The following PCDHGA7 variants were observed in gnomAD, a reference collection of about 807,000 sequenced individuals.
The protein encoded by PCDHGA7 is protocadherin gamma-A7.
Under a neutral mutation model 58.3 loss-of-function variants are expected in PCDHGA7, and 44 were observed. The observed-to-expected ratio is 0.75, with a 90% confidence interval of 0.59 to 0.97. The LOEUF (loss-of-function observed/expected upper bound fraction) is 0.97, where lower values mean the gene tolerates loss of function less well. Ranked by LOEUF, PCDHGA7 falls within the 50% of genes least tolerant of loss-of-function variation. PCDHGA7 has a pLI of 0.00. For synonymous variants in PCDHGA7, 516 were observed against 504.2 expected (o/e 1.02, Z -0.31); for missense variants, 1,266 against 1,188.7 (o/e 1.06, Z -0.96).
At chr5:141,409,858 G>A in intron 1 of PCDHGA7, 2 of 1,612,340 alleles carry the variant, frequency 1.2e-6, no homozygotes, top group Non-Finnish European at 1.7e-6. Context: ...GCGTGTTGGT[G>A]GGAGACCGCA....
intron 1 of PCDHGA7, among the ~76,000 whole-genome samples, chr5:141,460,753 A>ATATACATATTGCATATGTATG (rs1435827019): frequency 4.6e-5 from 7 of 152,094 alleles, no homozygotes; most frequent in Non-Finnish European, 1.0e-4. Flanking sequence ...ATATGTGTAC[A>ATATACATATTGCATATGTATG]TATACATATT....
Position 141,491,665 on chromosome 5 carries a change from C to T in PCDHGA7, c.2425-3142C>T, listed in dbSNP as rs749918160. 6.2e-7 allele frequency: 1 copy of T among 1,613,764 alleles called. No homozygotes were observed. The highest frequency in any genetic ancestry group is 8.5e-7 in the Non-Finnish European group (1 of 1,180,000). On this transcript the variant is annotated intron_variant, in intron 1 of 3. Transcript: ENST00000518325. The surrounding 1 kb of genome is among the most constrained non-coding windows in gnomAD (Gnocchi z 6.9). ...TCTGGCGCTGGAGCCTGACGCCATCCGGTCCCGCTCTAATACGCTGCGGGA... is the reference window on the plus strand; with the variant it reads ...TCTGGCGCTGGAGCCTGACGCCATCTGGTCCCGCTCTAATACGCTGCGGGA...
Position 141,511,913 on chromosome 5 carries a change from A to G in PCDHGA7, c.*740A>G, listed in dbSNP as rs1190072814. On this transcript the variant is annotated 3_prime_UTR_variant, in exon 4 of 4. Coordinates refer to ENST00000518325, the MANE Select transcript of PCDHGA7 (RefSeq NM_018920.4). ...CCCCCACCTCCTCCTCAAACAAGAG[A>G]CTCCACTGCATGTTCCAAGACAGTA... is the stretch of plus-strand genomic sequence containing the variant. The G allele has an allele frequency of 6.4e-6, 1 of 156,050 alleles. No individual in the cohort carries two copies. The highest frequency in any genetic ancestry group is 2.4e-5 in the African/African-American group (1 of 41,402). The allele number at this position is 156,050 out of a possible 1,614,324, so 9.7% of individuals were successfully genotyped here.
intron 1 of PCDHGA7, chr5:141,414,409 A>G: frequency 1.2e-6 from 2 of 1,613,870 alleles, no homozygotes; most frequent in Non-Finnish European, 8.5e-7. Flanking sequence ...GGTGATACAC[A>G]GAGCCCTTGA....
rs569451436 is a variant in PCDHGA7, at chr5:141,389,774, A to G, written c.2424+4451A>G. The G allele has an allele frequency of 2.5e-6, 4 of 1,613,170 alleles. No individual in the cohort carries two copies. The African/African-American group carries it at 5.3e-5, about 21-fold the overall frequency. On this transcript the variant is annotated intron_variant, in intron 1 of 3. Transcript: ENST00000518325. ...GCGAAGTGCGCACAGCGCGTGCCTTAGGCGACAGGGACGCCGTCCGCCAGC... is the reference window on the plus strand; with the variant it reads ...GCGAAGTGCGCACAGCGCGTGCCTTGGGCGACAGGGACGCCGTCCGCCAGC...
chr5:141,430,560 G>T (rs1184226832), intron 1 of PCDHGA7: 1 of 420,160 alleles, frequency 2.4e-6, no homozygotes, highest in Non-Finnish European at 4.1e-6. Context: ...ACCAATCGGG[G>T]AGAGAAAAGC....
intron 1 of PCDHGA7, chr5:141,389,851 CCA>C (rs2091943018): frequency 6.2e-7 from 1 of 1,613,936 alleles, no homozygotes; most frequent in Non-Finnish European, 8.5e-7. Context: ...TCGGCCACTG[CCA>C]CGTTGCACCT....
Position 141,399,737 on chromosome 5 carries a change from C to T in PCDHGA7, c.2424+14414C>T, listed in dbSNP as rs888467903. The T allele has an allele frequency of 2.5e-6, 4 of 1,613,296 alleles. No homozygotes were observed. In the South Asian group the frequency reaches 3.3e-5, roughly 13 times the overall value. On this transcript the variant is annotated intron_variant, in intron 1 of 3. Coordinates refer to ENST00000518325, the MANE Select transcript of PCDHGA7 (RefSeq NM_018920.4). Reference sequence around the variant, plus strand: ...CAGGCCCGCGACCAGGGCTCGCCTGCGCTCAGCGCAAACGTGAGCCTGCGC... The same window carrying T: ...CAGGCCCGCGACCAGGGCTCGCCTGTGCTCAGCGCAAACGTGAGCCTGCGC...
chr5:141,389,530 T>C (rs963241883), intron 1 of PCDHGA7: 1 of 1,613,208 alleles, frequency 6.2e-7, no homozygotes, highest in African/African-American at 1.3e-5. Context: ...CTGCGCGTGT[T>C]AGTGGACGAC....
intron 1 of PCDHGA7, chr5:141,428,160 T>C (rs761366261): frequency 6.4e-7 from 1 of 1,572,286 alleles, no homozygotes; most frequent in Non-Finnish European, 8.7e-7. Context: ...AACCTGCTGG[T>C]TGCTGTGCGT....
chr5:141,505,190 G>A (rs1326515866), intron 2 of PCDHGA7, among the ~76,000 whole-genome samples: 1 of 152,186 alleles, frequency 6.6e-6, no homozygotes, highest in East Asian at 1.9e-4. Flanking sequence ...ATCGGAGGCA[G>A]CAAAGAGCTG....
chr5:141,422,734 T>A, intron 1 of PCDHGA7: 2 of 1,608,114 alleles, frequency 1.2e-6, no homozygotes, highest in Non-Finnish European at 1.7e-6. Context: ...GGTGCCTCTG[T>A]CCTCCTATGT....
chr5:141,418,649 G>A (rs760169796), intron 1 of PCDHGA7: 3 of 1,613,926 alleles, frequency 1.9e-6, no homozygotes, highest in Non-Finnish European at 2.5e-6. Flanking sequence ...CATCCTGAGA[G>A]TGAAGGCCAC....
In PCDHGA7 at chr5:141,477,500, T is replaced by C. The variant is rs757547508; in HGVS notation, c.2425-17307T>C. The C allele has an allele frequency of 3.1e-6, 5 of 1,614,156 alleles. No homozygotes were observed. Among genetic ancestry groups the C allele is most frequent in the Non-Finnish European group, 4.2e-6 (5 of 1,180,026 alleles). ...CCCTCCACAATCTTCTCAATCTTCC[T>C]ACGACGTTTACATTGAAGAAAACAA... On this transcript the variant is annotated intron_variant, in intron 1 of 3. Coordinates refer to ENST00000518325, the MANE Select transcript of PCDHGA7 (RefSeq NM_018920.4). This position sits in a 1 kb window ranked among gnomAD's most constrained non-coding sequence, Gnocchi z 4.9.
At chr5:141,428,169 G>T (rs758370904) in intron 1 of PCDHGA7, 5 of 1,539,960 alleles carry the variant, frequency 3.2e-6, no homozygotes, top group South Asian at 2.2e-5. Context: ...GTTGCTGTGC[G>T]TGACGGAGGA....
chr5:141,463,364 T>C (rs1166107031), intron 1 of PCDHGA7, among the ~76,000 whole-genome samples: 2 of 150,250 alleles, frequency 1.3e-5, no homozygotes, highest in Admixed American at 6.6e-5. Context: ...TCCCCTTTCC[T>C]GCCCCACAGT....
At position 141,477,056 on chromosome 5, in the gene PCDHGA7, G is replaced by T; in HGVS notation, c.2425-17751G>T. 6.2e-7 allele frequency: 1 copy of T among 1,614,242 alleles called. No homozygotes were observed. The highest frequency in any genetic ancestry group is 8.5e-7 in the Non-Finnish European group (1 of 1,180,046). Reference sequence around the variant, plus strand: ...AATCAAGGGTCGGCTGGACTTCGAGGACACCAAACTCCATGAGATTTACAT... The same window carrying T: ...AATCAAGGGTCGGCTGGACTTCGAGTACACCAAACTCCATGAGATTTACAT... On this transcript the variant is annotated intron_variant, in intron 1 of 3. Coordinates refer to ENST00000518325, the MANE Select transcript of PCDHGA7 (RefSeq NM_018920.4). This position sits in a 1 kb window ranked among gnomAD's most constrained non-coding sequence, Gnocchi z 4.9.
chr5:141,428,886 G>T (rs1002869474), intron 1 of PCDHGA7: 3 of 149,710 alleles, frequency 2.0e-5, no homozygotes, highest in Non-Finnish European at 2.9e-5. Context: ...ACGGAGTCTC[G>T]CTCTGTGGTC....
chr5:141,403,620 C>T (rs1561689160), intron 1 of PCDHGA7: 1 of 1,613,916 alleles, frequency 6.2e-7, no homozygotes, highest in Non-Finnish European at 8.5e-7. Context: ...CCGCGTCGCT[C>T]CAGCACAGTG....
Sources: gnomAD v4.1 joint callset for allele counts (sites outside exome capture counted in the v4.1 genomes callset) on GRCh38, gnomAD v4.1.1 for gene constraint, Gnocchi (gnomAD v3.1) non-coding constraint, MANE v1.5 for transcripts, NCBI Gene and HGNC (gene_info 2026-07-23, HGNC 2026-07-21) for gene names.